CUX2: variants seen among roughly 807,000 people sequenced by gnomAD.
The protein encoded by CUX2 is cut like homeobox 2, also known as homeobox protein cut-like 2.
In CUX2, 40 loss-of-function variants were observed where a neutral mutation model predicts 144.8. The observed-to-expected ratio is 0.28, with a 90% CI of 0.21 to 0.36. The LOEUF (loss-of-function observed/expected upper bound fraction) is 0.36. Among genes scored for constraint, CUX2 ranks in the 10% least tolerant of loss-of-function variants. CUX2 has a pLI of 1.00. For synonymous variants in CUX2, 827 were observed against 875.6 expected, an observed-to-expected ratio of 0.94 and a Z score of 0.98; for missense variants, 1,615 against 1,994.0, an observed-to-expected ratio of 0.81 and a Z score of 3.62.
intron 1 of CUX2, among the ~76,000 whole-genome samples, chr12:111,213,048 A>G (rs1881319111): frequency 6.6e-6 from 1 of 152,216 alleles, no homozygotes; most frequent in Admixed American, 6.5e-5. Context: ...ATGTTAGATT[A>G]AAGAGTTCAC....
chr12:111,291,213 C>T (rs923025307), intron 4 of CUX2, among the ~76,000 whole-genome samples: 11 of 152,224 alleles, frequency 7.2e-5, no homozygotes, highest in African/African-American at 2.4e-4. Context: ...GGCAGGATAC[C>T]CATACCCTGG....
chr12:111,134,504 T>G (rs945273267), intron 1 of CUX2, among the ~76,000 whole-genome samples: 1 of 152,118 alleles, frequency 6.6e-6, no homozygotes, highest in African/African-American at 2.4e-5. Context: ...GTCTGAATAC[T>G]CATCCTTAAA....
At chr12:111,132,410 T>G (rs1875548878) in intron 1 of CUX2, among the ~76,000 whole-genome samples, 1 of 152,088 alleles carries the variant, frequency 6.6e-6, no homozygotes, top group African/African-American at 2.4e-5. Flanking sequence ...GAAGACATTT[T>G]CCCCCATGGG....
chr12:111,065,556 G>A (rs1406022851), intron 1 of CUX2, among the ~76,000 whole-genome samples: 5 of 152,174 alleles, frequency 3.3e-5, no homozygotes, highest in African/African-American at 7.2e-5. Context: ...GGCTGGTCTC[G>A]AACTCCTGAC....
intron 1 of CUX2, among the ~76,000 whole-genome samples, chr12:111,150,808 A>G (rs1052067785): frequency 6.6e-6 from 1 of 152,170 alleles, no homozygotes; most frequent in Non-Finnish European, 1.5e-5. Flanking sequence ...AGAAATTGGC[A>G]TCTTTCAGGG....
At chr12:111,193,088 A>G (rs1879998229) in intron 1 of CUX2, among the ~76,000 whole-genome samples, 1 of 152,060 alleles carries the variant, frequency 6.6e-6, no homozygotes, top group African/African-American at 2.4e-5. Flanking sequence ...GGAAAGAGTG[A>G]ATGGAGTGTG....
chr12:111,308,390 C>T (rs201253023), intron 13 of CUX2, 37 bp from the exon 14 acceptor site: 59 of 1,613,902 alleles, frequency 3.7e-5, no homozygotes, highest in Non-Finnish European at 4.7e-5. Context: ...GCCTTCCGCC[C>T]ACCAGGTGCC....
At position 111,349,673 on chromosome 12, in the gene CUX2, G is replaced by A. The variant is rs1307408514; in HGVS notation, c.*1348G>A. On this transcript the variant is annotated 3_prime_UTR_variant, in exon 22 of 22. Coordinates refer to ENST00000261726, the MANE Select transcript of CUX2 (RefSeq NM_015267.4). ...CCAACTCAGAGGAACCCTTCCTCCAGCGTCTTTGGCATGGTTTCTAGGGTG... is the reference window on the plus strand; with the variant it reads ...CCAACTCAGAGGAACCCTTCCTCCAACGTCTTTGGCATGGTTTCTAGGGTG... The A allele has an allele frequency of 6.6e-6, 1 of 152,188 alleles. No homozygotes were observed. Among genetic ancestry groups the A allele is most frequent in the Non-Finnish European group, 1.5e-5 (1 of 68,044 alleles). 9.4% of individuals were successfully genotyped at this position (152,188 alleles called of 1,614,324 possible).
chr12:111,295,198 A>G lies in CUX2; in HGVS notation c.561-135A>G, dbSNP rs1403416014. 1.5e-6 allele frequency: 1 copy of G among 661,530 alleles called. No homozygotes were observed. Among genetic ancestry groups the G allele is most frequent in the Non-Finnish European group, 2.6e-6 (1 of 389,184 alleles). The allele number at this position is 661,530 out of a possible 1,614,324, so 41.0% of individuals were successfully genotyped here. Reference sequence around the variant, plus strand: ...AGCCAGGTGCCTGAATGTCGTGTCTAAGGACTTGCAGAAAGACAGAGGTGC... The same window carrying G: ...AGCCAGGTGCCTGAATGTCGTGTCTGAGGACTTGCAGAAAGACAGAGGTGC... On this transcript the variant is annotated intron_variant, in intron 6 of 21. Transcript: ENST00000261726. This position sits in a 1 kb window ranked among gnomAD's most constrained non-coding sequence, Gnocchi z 5.0.
intron 1 of CUX2, among the ~76,000 whole-genome samples, chr12:111,075,375 G>A (rs1871475192): frequency 6.6e-6 from 1 of 152,138 alleles, no homozygotes; most frequent in African/African-American, 2.4e-5. Flanking sequence ...ATTATTTAAG[G>A]GAGGATTCCT....
chr12:111,345,672 C>T (rs1419487562), intron 21 of CUX2, among the ~76,000 whole-genome samples: 1 of 144,182 alleles, frequency 6.9e-6, no homozygotes, highest in African/African-American at 2.6e-5. Flanking sequence ...AACCCGGGAG[C>T]TTGCGGTGAG....
rs1871113350 is a variant in CUX2 at position 111,068,518 on chromosome 12, C to G, written c.63+34278C>G. On this transcript the variant is annotated intron_variant, in intron 1 of 21. Coordinates refer to ENST00000261726, the MANE Select transcript of CUX2 (RefSeq NM_015267.4). This position sits in a 1 kb window ranked among gnomAD's most constrained non-coding sequence, Gnocchi z 4.9. ...TTTTTATTTTTTTCCAGAAAGCCTT[C>G]AGCCCAAACTCTGGGCTCTCCGGGG... Among the ~76,000 whole-genome samples the G allele has an allele frequency of 1.3e-5, 2 of 152,224 alleles. No homozygotes were observed. Among genetic ancestry groups the G allele is most frequent in the Admixed American group, 6.5e-5 (1 of 15,288 alleles).
intron 1 of CUX2, among the ~76,000 whole-genome samples, chr12:111,109,438 C>T (rs186648259): frequency 1.3e-4 from 20 of 152,278 alleles, no homozygotes; most frequent in African/African-American, 4.8e-4. Context: ...TCAGTTACTG[C>T]CCTTATTTAT....
Position 111,308,522 on chromosome 12 carries a change from C to G in CUX2, c.1254C>G (p.Ser418Arg). Residue 418 changes from serine to arginine, a missense_variant, in exon 14 of 22, where the codon AGC becomes AGG. Transcript: ENST00000261726. ...TGGAGAAGCCCAGCCTCCTGGCCAG[C>G]CCTGGTAGGGGAGGAGGATACTCTG... ...FLLEKPSLLA[S>R]PEEDPSEDDS... The G allele has an allele frequency of 6.2e-7, 1 of 1,609,094 alleles. No homozygotes were observed. The highest frequency in any genetic ancestry group is 1.1e-5 in the South Asian group (1 of 90,176).
At chr12:111,139,891 A>G (rs576624397) in intron 1 of CUX2, among the ~76,000 whole-genome samples, 3 of 152,162 alleles carry the variant, frequency 2.0e-5, no homozygotes, top group Non-Finnish European at 2.9e-5. Context: ...GGACAAACCC[A>G]GGTGCTAATC....
At chr12:111,051,620 C>T (rs1001016267) in intron 1 of CUX2, among the ~76,000 whole-genome samples, 1 of 151,890 alleles carries the variant, frequency 6.6e-6, no homozygotes, top group African/African-American at 2.4e-5. Flanking sequence ...CTGTTCATGC[C>T]TTTGAATCTA....
In CUX2 at chr12:111,258,901, G is replaced by A. The variant is rs144388526; in HGVS notation, c.223-4860G>A. Among the ~76,000 whole-genome samples the A allele has an allele frequency of 5.1e-3, 776 of 152,146 alleles. 6 individuals are homozygous for A. Among genetic ancestry groups the A allele is most frequent in the African/African-American group, 0.018 (747 of 41,494 alleles). ...TTTTGAAACAGGGTCTTTTTCTGTT[G>A]TCCAGGCTAGAGTGCAGTGACACAA... On this transcript the variant is annotated intron_variant, in intron 3 of 21. Transcript: ENST00000261726.
intron 18 of CUX2, among the ~76,000 whole-genome samples, chr12:111,324,841 C>T (rs984370278): frequency 2.0e-5 from 3 of 151,894 alleles, no homozygotes; most frequent in African/African-American, 4.8e-5. Context: ...TTGGAAGTGA[C>T]GGGGGTGAAG....
intron 4 of CUX2, among the ~76,000 whole-genome samples, chr12:111,284,029 C>A (rs1367630634): frequency 6.6e-6 from 1 of 152,138 alleles, no homozygotes; most frequent in Non-Finnish European, 1.5e-5. Context: ...ATCAGACCAG[C>A]ACCCTGCCTC....
Sources: gnomAD v4.1 joint callset for allele counts (sites outside exome capture counted in the v4.1 genomes callset) on GRCh38, gnomAD v4.1.1 for gene constraint, Gnocchi (gnomAD v3.1) non-coding constraint, MANE v1.5 for transcripts, NCBI Gene and HGNC (gene_info 2026-07-23, HGNC 2026-07-21) for gene names.